ZZZ3: variants seen among roughly 807,000 people sequenced by gnomAD.
ZZZ3 encodes ZZ-type zinc finger-containing protein 3.
Under a neutral mutation model 95.2 loss-of-function variants are expected in ZZZ3, and 22 were observed. The observed-to-expected ratio is 0.23, with a 90% CI of 0.17 to 0.33. The LOEUF (loss-of-function observed/expected upper bound fraction) is 0.33. Ranked by LOEUF, ZZZ3 falls within the 10% of genes least tolerant of loss-of-function variation. The probability of loss-of-function intolerance (pLI) is 1.00; values close to 1 mark genes in which losing one functional copy is unlikely to be tolerated. For synonymous variants in ZZZ3, 335 were observed against 358.9 expected (o/e 0.93, Z 0.75); for missense variants, 885 against 1,066.5 (o/e 0.83, Z 2.37).
chr1:77,633,995 C>T lies in ZZZ3; in HGVS notation c.-51-590G>A, dbSNP rs946459628. ...GACCAGCCTGACCAACATGGTGAAA[C>T]GCTGTCTCTACTAAAAATACAAAAA... On this transcript the variant is annotated intron_variant, in intron 4 of 14. Transcript: ENST00000370801. Among the ~76,000 whole-genome samples the T allele has an allele frequency of 5.9e-5, 9 of 151,950 alleles. No individual in the cohort carries two copies. The East Asian group carries it at 7.7e-4, about 13-fold the overall frequency.
At chr1:77,609,927 T>TA (rs1665617643) in intron 5 of ZZZ3, among the ~76,000 whole-genome samples, 1 of 151,558 alleles carries the variant, frequency 6.6e-6, no homozygotes, top group East Asian at 1.9e-4. Flanking sequence ...AGTGCCAACA[T>TA]AAAAAACAAA....
chr1:77,663,411 T>C (rs534217135), intron 1 of ZZZ3, among the ~76,000 whole-genome samples: 9 of 152,278 alleles, frequency 5.9e-5, no homozygotes, highest in African/African-American at 2.2e-4. Flanking sequence ...CTGCATTACC[T>C]GAAAACAACT....
intron 1 of ZZZ3, among the ~76,000 whole-genome samples, chr1:77,653,257 GTGAT>G (rs1189422970): frequency 6.6e-6 from 1 of 152,152 alleles, no homozygotes; most frequent in Non-Finnish European, 1.5e-5. Flanking sequence ...AAGGAGATAA[GTGAT>G]TGCAGAGACT....
chr1:77,633,094 T>C lies in ZZZ3; in HGVS notation c.261A>G (p.Gly87=). 1.2e-6 allele frequency: 2 copies of C among 1,613,986 alleles called. No homozygotes were observed. The highest frequency in any genetic ancestry group is 1.7e-6 in the Non-Finnish European group (2 of 1,180,012). The change falls in exon 5 of 15, where the codon GGA becomes GGG. Residue 87 remains glycine (G), a synonymous_variant. Transcript: ENST00000370801. ...RESWVSPRKR[G]LSSSEKDNIE... is the part of the protein sequence containing the mutation. ...TGTTATCCTTTTCTGAAGAAGAAAG[T>C]CCTCTTTTCCTAGGGCTTACCCATG... is the stretch of plus-strand genomic sequence containing the variant.
intron 5 of ZZZ3, among the ~76,000 whole-genome samples, chr1:77,631,021 T>C (rs1667758297): frequency 6.6e-6 from 1 of 152,218 alleles, no homozygotes; most frequent in African/African-American, 2.4e-5. Flanking sequence ...AATCATGATA[T>C]TTATGATGAG....
At position 77,639,553 on chromosome 1, in the gene ZZZ3, A is replaced by T. The variant is rs1570579943; in HGVS notation, c.-156T>A. The T allele has an allele frequency of 9.2e-7, 1 of 1,088,962 alleles. No individual in the cohort carries two copies. The highest frequency in any genetic ancestry group is 3.0e-5 in the East Asian group (1 of 33,832). 67.5% of individuals were successfully genotyped at this position (1,088,962 alleles called of 1,614,324 possible). ...AATGGAGCTTAAGCATCAGGGTTTC[A>T]GACTCTCTCAGCTTCAGCCATGAAG... On this transcript the variant is annotated 5_prime_UTR_variant, in exon 4 of 15. An upstream open reading frame in the 5' UTR loses its in-frame stop. Transcript: ENST00000370801.
intron 5 of ZZZ3, among the ~76,000 whole-genome samples, chr1:77,588,588 C>CCT (rs937216026): frequency 1.3e-5 from 2 of 152,064 alleles, no homozygotes; most frequent in Non-Finnish European, 2.9e-5. Context: ...ACCCAATCAC[C>CCT]ATAGATGTTC....
chr1:77,659,551 G>A (rs1185916319), intron 1 of ZZZ3, among the ~76,000 whole-genome samples: 1 of 151,558 alleles, frequency 6.6e-6, no homozygotes, highest in Non-Finnish European at 1.5e-5. Context: ...GCCAGGCGTG[G>A]GGGCACGTGC....
chr1:77,679,654 T>C (rs1672572830), intron 1 of ZZZ3, among the ~76,000 whole-genome samples: 1 of 152,196 alleles, frequency 6.6e-6, no homozygotes, highest in Non-Finnish European at 1.5e-5. Context: ...AAAACTCAAG[T>C]GAGAATAAAT....
chr1:77,578,854 G>T lies in ZZZ3; in HGVS notation c.2098C>A (p.Gln700Lys). The T allele has an allele frequency of 6.4e-7, 1 of 1,563,992 alleles. No homozygotes were observed. ...RTAKQVASRV[Q>K]KYFIKLTKAG... ...TTAGTTAGCTTTATGAAATACTTCT[G>T]TACTCGGCTGGCAACCTAAGGAAAC... Residue 700 changes from glutamine to lysine, a missense_variant, in exon 11 of 15, where the codon CAG (glutamine) becomes AAG (lysine). Transcript: ENST00000370801.
At chr1:77,630,004 G>T (rs568928839) in intron 5 of ZZZ3, among the ~76,000 whole-genome samples, 1 of 152,056 alleles carries the variant, frequency 6.6e-6, no homozygotes, top group African/African-American at 2.4e-5. Context: ...ATACTGTAGT[G>T]AATTACTAGA....
intron 5 of ZZZ3, among the ~76,000 whole-genome samples, chr1:77,619,051 GA>G (rs896606664): frequency 3.3e-5 from 5 of 151,916 alleles, no homozygotes; most frequent in Non-Finnish European, 1.5e-5. Context: ...CAATCATCTA[GA>G]AAAAAACCCC....
At chr1:77,660,216 T>G (rs1386934041) in intron 1 of ZZZ3, among the ~76,000 whole-genome samples, 1 of 152,202 alleles carries the variant, frequency 6.6e-6, no homozygotes, top group African/African-American at 2.4e-5. Flanking sequence ...TATTTTTTTT[T>G]ATTGTGGTAA....
chr1:77,581,852 T>C lies in ZZZ3; in HGVS notation c.1832A>G (p.Lys611Arg), dbSNP rs752942594. The C allele has an allele frequency of 6.2e-7, 1 of 1,613,964 alleles. No homozygotes were observed. The highest frequency in any genetic ancestry group is 8.5e-7 in the Non-Finnish European group (1 of 1,179,970). ...ATATGAAAGGGACTCTCCATCCTTC[T>C]TAGGATCTAAAGGACTTTTTGGTCT... ...PARPKSPLDP[K>R]KDGESLSYSM... Residue 611 changes from lysine to arginine, a missense_variant, in exon 8 of 15, where the codon AAG becomes AGG. This residue lies in a region of ZZZ3 where 99 missense variants were observed against 119.8 expected (regional missense o/e 0.83). Transcript: ENST00000370801.
chr1:77,600,753 G>GA (rs1413872177), intron 5 of ZZZ3, among the ~76,000 whole-genome samples: 2 of 151,958 alleles, frequency 1.3e-5, no homozygotes, highest in Non-Finnish European at 2.9e-5. Flanking sequence ...GACTTGGAGT[G>GA]AAAAAAGAGT....
intron 13 of ZZZ3, among the ~76,000 whole-genome samples, chr1:77,567,848 C>T (rs1463126690): frequency 7.2e-5 from 11 of 152,136 alleles, no homozygotes; most frequent in Admixed American, 3.9e-4. Context: ...AAAAGAGAAA[C>T]GGCTAAACAA....
In ZZZ3 at chr1:77,589,990, T is replaced by C. The variant is rs1407373831; in HGVS notation, c.1506-5335A>G. The stretch of plus-strand genomic sequence containing the variant: ...GGCATTTGTAATCTAAAAAAACTAA[T>C]GGAGAAACATTTTTAAAAATCCATA... On this transcript the variant is annotated intron_variant, in intron 5 of 14. Transcript: ENST00000370801. Among the ~76,000 whole-genome samples the C allele has an allele frequency of 3.3e-5, 5 of 152,242 alleles. No homozygotes were observed. The South Asian group carries it at 6.2e-4, about 19-fold the overall frequency.
intron 1 of ZZZ3, among the ~76,000 whole-genome samples, chr1:77,664,829 C>T (rs930494851): frequency 6.6e-6 from 1 of 152,212 alleles, no homozygotes; most frequent in Admixed American, 6.5e-5. Context: ...GTTTATTTTA[C>T]ACTATTAATG....
intron 5 of ZZZ3, among the ~76,000 whole-genome samples, chr1:77,613,639 G>A (rs1038552481): frequency 6.6e-6 from 1 of 151,886 alleles, no homozygotes; most frequent in Non-Finnish European, 1.5e-5. Context: ...TTTAAAGGAG[G>A]AAATAAATTA....
Sources: allele counts gnomAD v4.1 joint callset (sites outside exome capture counted in the v4.1 genomes callset), GRCh38; gene constraint gnomAD v4.1.1; regional missense constraint gnomAD v4.1.1; transcripts MANE v1.5; gene names NCBI Gene and HGNC (gene_info 2026-07-23, HGNC 2026-07-21).